The following SYNE2 variants were observed in gnomAD, a reference collection of about 807,000 sequenced individuals.
SYNE2 encodes nesprin-2.
In SYNE2, 431 loss-of-function variants were observed where a neutral mutation model predicts 856.3. That is an observed-to-expected ratio of 0.50 (90% CI 0.47 to 0.55). The LOEUF (loss-of-function observed/expected upper bound fraction) is 0.55, where lower values mean the gene tolerates loss of function less well. SYNE2 is among the 20% of genes least tolerant of loss of function. SYNE2 has a pLI of 0.00. For synonymous variants in SYNE2, 2,923 were observed against 2,872.3 expected, an observed-to-expected ratio of 1.02 and a Z score of -0.56; for missense variants, 8,129 against 8,023.2, an observed-to-expected ratio of 1.01 and a Z score of -0.50.
In SYNE2 at chr14:63,814,060, A is replaced by AAACAACAACAACAAC. The variant is rs71120290; in HGVS notation, c.-304-38424_-304-38410dup. 8.7e-3 allele frequency among the ~76,000 whole-genome samples: 1,303 copies of AAACAACAACAACAAC among 150,000 alleles called. 15 individuals are homozygous for AAACAACAACAACAAC. The highest frequency in any genetic ancestry group is 0.044 in the South Asian group (205 of 4,670). On this transcript the variant is annotated intron_variant, in intron 1 of 23. Transcript: ENST00000674003. ...GCAACACAGCGAGACTCTGTCTCAA[A>AAACAACAACAACAAC]AACAACAACAACAACAACAACAACA...
chr14:63,983,832 G>A lies in SYNE2; in HGVS notation c.2097G>A (p.Glu699=), dbSNP rs768682354. The change falls in exon 18 of 116, where the codon GAG becomes GAA. Residue 699 remains glutamate, a synonymous_variant. Transcript: ENST00000555002. ...CTAAAGAAGAGAAAGCAACTGTTGA[G>A]TTTTCAACAGATATGTCAGTAGAAC... ...ILSKEEKATV[E]FSTDMSVELP... is the part of the protein sequence containing the mutation. The A allele has an allele frequency of 1.2e-6, 2 of 1,601,470 alleles. No homozygotes were observed. The highest frequency in any genetic ancestry group is 1.7e-6 in the Non-Finnish European group (2 of 1,169,522).
In SYNE2 at chr14:64,070,771, A is replaced by G. The variant is rs761386759; in HGVS notation, c.10558A>G (p.Asn3520Asp). The G allele has an allele frequency of 3.7e-6, 6 of 1,614,232 alleles. No homozygotes were observed. The highest frequency in any genetic ancestry group is 5.1e-6 in the Non-Finnish European group (6 of 1,180,032). The change falls in exon 52 of 116, where the codon AAC becomes GAC. Residue 3520 changes from asparagine (N) to aspartate (D), a missense_variant. Transcript: ENST00000555002. ...AGACTGTTTATGCCAATATGGAGAGAACGTGGAGAAGCAACAGCTGTTACT... is the reference window on the plus strand; with the variant it reads ...AGACTGTTTATGCCAATATGGAGAGGACGTGGAGAAGCAACAGCTGTTACT... Reference protein sequence around the residue: ...LLDCLCQYGENVEKQQLLLTL... With the variant: ...LLDCLCQYGEDVEKQQLLLTL...
intron 74 of SYNE2, among the ~76,000 whole-genome samples, chr14:64,129,443 A>G (rs1268095989): frequency 2.0e-5 from 3 of 152,244 alleles, no homozygotes; most frequent in Non-Finnish European, 4.4e-5. Context: ...TTACAATAGC[A>G]TGCTGTGTGT....
intron 2 of SYNE2, among the ~76,000 whole-genome samples, chr14:63,937,308 G>A (rs2095845856): frequency 1.3e-5 from 2 of 152,194 alleles, no homozygotes; most frequent in African/African-American, 4.8e-5. Context: ...GCGTCAAGAG[G>A]TTTGTTTTTG....
Position 64,165,399 on chromosome 14 carries a change from G to T in SYNE2, c.16594G>T (p.Asp5532Tyr), listed in dbSNP as rs2153721103. Residue 5532 changes from aspartate (D) to tyrosine (Y), a missense_variant, in exon 90 of 116, where the codon GAC becomes TAC. Physicochemically the swap from Asp to Tyr is radical, Grantham distance 160. Around this residue, in one of 3 missense-constraint regions of SYNE2, gnomAD observed 5,410 missense variants for 5,284.8 expected, o/e 1.02. Coordinates refer to ENST00000555002, the MANE Select transcript of SYNE2 (RefSeq NM_182914.3). ...RLHQQEKENPDSFLNHVLALT... is the reference protein window; with the variant it reads ...RLHQQEKENPYSFLNHVLALT... Reference sequence around the variant, plus strand: ...TCACCAACAGGAAAAAGAAAATCCTGACTCATTCCTGGTATTGCCAATATT... The same window carrying T: ...TCACCAACAGGAAAAAGAAAATCCTTACTCATTCCTGGTATTGCCAATATT... The T allele has an allele frequency of 6.2e-7, 1 of 1,613,676 alleles. No individual in the cohort carries two copies. Among genetic ancestry groups the T allele is most frequent in the South Asian group, 1.1e-5 (1 of 91,042 alleles).
At chr14:64,070,301 G>A (rs2097395675) in intron 51 of SYNE2, among the ~76,000 whole-genome samples, 1 of 152,206 alleles carries the variant, frequency 6.6e-6, no homozygotes, top group South Asian at 2.1e-4. Context: ...CTTATACTTA[G>A]TGAAAGCAGT....
chr14:64,064,270 C>T (rs1441046884), intron 50 of SYNE2, among the ~76,000 whole-genome samples: 4 of 152,108 alleles, frequency 2.6e-5, no homozygotes, highest in East Asian at 1.9e-4. Context: ...TACCAAATGA[C>T]GCGTAGGTGG....
chr14:64,225,679 C>T lies in SYNE2; in HGVS notation c.*153C>T. 2.4e-6 allele frequency: 2 copies of T among 834,592 alleles called. No individual in the cohort carries two copies. Among genetic ancestry groups the T allele is most frequent in the Admixed American group, 2.1e-5 (1 of 47,896 alleles). 51.7% of individuals were successfully genotyped at this position (834,592 alleles called of 1,614,324 possible). A position where few individuals can be genotyped will look rare whatever the true frequency, so the allele number is the denominator to read the frequency against. On this transcript the variant is annotated 3_prime_UTR_variant, in exon 116 of 116. Coordinates refer to ENST00000555002, the MANE Select transcript of SYNE2 (RefSeq NM_182914.3). The stretch of plus-strand genomic sequence containing the variant: ...CTTACCCAGCACGGGCTCCCTGGAG[C>T]CCAGGGCAGCTTTCAGATTGTGTTC...
rs1297657206 is a variant in SYNE2 at position 63,949,898 on chromosome 14, C to T, written c.482C>T (p.Ser161Leu). The T allele has an allele frequency of 1.2e-6, 2 of 1,614,150 alleles. No individual in the cohort carries two copies. Among genetic ancestry groups the T allele is most frequent in the Non-Finnish European group, 1.7e-6 (2 of 1,180,016 alleles). ...CTGGATGATGTGAGTGTGGTTGACTCATCTCCTGCCTCAAGTCCTCCAGCT... is the reference window on the plus strand; with the variant it reads ...CTGGATGATGTGAGTGTGGTTGACTTATCTCCTGCCTCAAGTCCTCCAGCT... ...PSLDDVSVVD[S>L]SPASSPPAKK... is the part of the protein sequence containing the mutation. Residue 161 changes from serine to leucine, a missense_variant, in exon 7 of 116, where the codon TCA becomes TTA. Ser to Leu is a moderately radical substitution (Grantham distance 145). Around this residue, in one of 3 missense-constraint regions of SYNE2, gnomAD observed 2,422 missense variants for 2,357.4 expected, o/e 1.03. Transcript: ENST00000555002.
chr14:63,896,721 C>A (rs916415686), intron 1 of SYNE2, among the ~76,000 whole-genome samples: 8 of 152,194 alleles, frequency 5.3e-5, no homozygotes, highest in Non-Finnish European at 8.8e-5. Flanking sequence ...AGTGCTCTTT[C>A]AGCCATTTCC....
At chr14:64,127,260 CA>C (rs1201249948) in intron 73 of SYNE2, among the ~76,000 whole-genome samples, 79 of 140,498 alleles carry the variant, frequency 5.6e-4, no homozygotes, top group Non-Finnish European at 5.6e-4. Context: ...GACTCCATCT[CA>C]AAAAAAAAAA....
chr14:63,831,804 A>G (rs1889678494), intron 1 of SYNE2, among the ~76,000 whole-genome samples: 2 of 151,962 alleles, frequency 1.3e-5, no homozygotes, highest in African/African-American at 4.8e-5. Flanking sequence ...TCAGCCTCCC[A>G]AAGTGCTGGG....
At chr14:64,007,657 G>A (rs771915072) in intron 31 of SYNE2, among the ~76,000 whole-genome samples, 24 of 152,074 alleles carry the variant, frequency 1.6e-4, no homozygotes, top group Non-Finnish European at 3.2e-4. Flanking sequence ...TGAGAGGATT[G>A]CTTGAGCCTA....
At chr14:64,087,565 T>G in intron 57 of SYNE2, 106 bp from the exon 58 acceptor site, 1 of 1,245,862 alleles carries the variant, frequency 8.0e-7, no homozygotes, top group Non-Finnish European at 1.2e-6. Context: ...AAATGACTAG[T>G]TTAAAATGTT....
intron 64 of SYNE2, among the ~76,000 whole-genome samples, chr14:64,105,881 G>A (rs562877658): frequency 6.6e-6 from 1 of 151,932 alleles, no homozygotes; most frequent in East Asian, 1.9e-4. Context: ...GCAACATAGT[G>A]AAACCCTGTC....
chr14:64,002,789 T>G lies in SYNE2; in HGVS notation c.3856T>G (p.Leu1286Val), dbSNP rs375975626. The change falls in exon 30 of 116, where the codon TTA (leucine) becomes GTA (valine). Residue 1286 changes from leucine to valine, a missense_variant. Transcript: ENST00000555002. ...NRLEEPGNFV[L>V]KELHPFDLHA... ...CTTAGAAGAGCCAGGCAACTTTGTA[T>G]TAAAGGAGTTACACCCATTTGATCT... is the stretch of plus-strand genomic sequence containing the variant. The G allele has an allele frequency of 5.0e-6, 8 of 1,613,708 alleles. No individual in the cohort carries two copies. The highest frequency in any genetic ancestry group is 5.9e-6 in the Non-Finnish European group (7 of 1,179,974).
At chr14:64,026,811 G>C (rs2096983451) in intron 42 of SYNE2, 81 bp downstream of exon 42, 6 of 1,495,524 alleles carry the variant, frequency 4.0e-6, no homozygotes, top group Non-Finnish European at 5.5e-6. Flanking sequence ...CTGCCCCCTG[G>C]GTTTGGATAT....
chr14:63,989,246 T>G (rs571535203), intron 19 of SYNE2, among the ~76,000 whole-genome samples: 100 of 152,380 alleles, frequency 6.6e-4, no homozygotes, highest in Middle Eastern at 3.4e-3. Context: ...TTATTTTGCA[T>G]TGCAGGTTTT....
intron 45 of SYNE2, among the ~76,000 whole-genome samples, chr14:64,043,926 C>G (rs762193616): frequency 7.2e-5 from 11 of 152,218 alleles, no homozygotes; most frequent in Non-Finnish European, 1.3e-4. Flanking sequence ...GGCACAGTCA[C>G]AGCTCACTGT....
Sources: allele counts gnomAD v4.1 joint callset (sites outside exome capture counted in the v4.1 genomes callset), GRCh38; gene constraint gnomAD v4.1.1; regional missense constraint gnomAD v4.1.1; transcripts MANE v1.5; gene names NCBI Gene and HGNC (gene_info 2026-07-23, HGNC 2026-07-21).